TIAL1: variants seen among roughly 807,000 people sequenced by gnomAD.
TIAL1 encodes nucleolysin TIAR.
Under a neutral mutation model 59.7 loss-of-function variants are expected in TIAL1, and 7 were observed. The observed-to-expected ratio is 0.12, with a 90% CI of 0.07 to 0.22. The LOEUF (loss-of-function observed/expected upper bound fraction) is 0.22. Ranked by LOEUF, TIAL1 falls within the 10% of genes least tolerant of loss-of-function variation. The pLI, the probability that TIAL1 is intolerant of heterozygous loss-of-function variation, is 1.00. For missense variants in TIAL1, 225 were observed against 462.5 expected (o/e 0.49, Z 4.71); for synonymous variants, 149 against 146.3 (o/e 1.02, Z -0.13).
chr10:119,583,070 G>A (rs934352052), intron 2 of TIAL1, among the ~76,000 whole-genome samples: 10 of 151,988 alleles, frequency 6.6e-5, no homozygotes, highest in Non-Finnish European at 1.3e-4. Flanking sequence ...CTGCTACAAA[G>A]ACTGAATTTT....
rs192154139 is a variant in TIAL1, at chr10:119,596,887, G to A, written c.-422C>T. 93 of 190,938 alleles carry A rather than the reference G, an allele frequency of 4.9e-4. No individual in the cohort carries two copies. The highest frequency in any genetic ancestry group is 2.1e-3 in the African/African-American group (88 of 42,472). The allele number at this position is 190,938 out of a possible 1,614,324, so 11.8% of individuals were successfully genotyped here. A position where few individuals can be genotyped will look rare whatever the true frequency, so the allele number is the denominator to read the frequency against. ...AGCCCAGCCAGCTCCGGGAGAGATC[G>A]GGCAAAAAGAGAAACGTCGTGAAGC... On this transcript the variant is annotated 5_prime_UTR_variant, in exon 1 of 12. Coordinates refer to ENST00000436547, the MANE Select transcript of TIAL1 (RefSeq NM_003252.4).
chr10:119,584,234 T>C (rs917170679), intron 2 of TIAL1, among the ~76,000 whole-genome samples: 8 of 152,190 alleles, frequency 5.3e-5, no homozygotes, highest in African/African-American at 1.9e-4. Flanking sequence ...CACATCACAC[T>C]GCATATCATC....
chr10:119,588,120 A>C (rs781734313), intron 2 of TIAL1, 32 bp downstream of exon 2: 4 of 1,325,086 alleles, frequency 3.0e-6, no homozygotes, highest in South Asian at 1.6e-5. Flanking sequence ...CATCATGCTA[A>C]TTGTCAGCAC....
At chr10:119,593,492 A>G in intron 1 of TIAL1, 2 of 985,830 alleles carry the variant, frequency 2.0e-6, no homozygotes, top group Non-Finnish European at 2.4e-6. Flanking sequence ...AGATAGAACC[A>G]TATGTCTTAG....
intron 1 of TIAL1, among the ~76,000 whole-genome samples, chr10:119,590,790 A>G (rs570553161): frequency 6.8e-6 from 1 of 146,902 alleles, no homozygotes; most frequent in African/African-American, 2.7e-5. Context: ...GAAAGAAAGA[A>G]AGAAAGAAAG....
intron 10 of TIAL1, 46 bp from the exon 11 acceptor site, chr10:119,576,796 C>T (rs369951732): frequency 1.1e-5 from 17 of 1,601,640 alleles, no homozygotes; most frequent in Admixed American, 8.7e-5. Context: ...TAAGAAACAC[C>T]GTATATGAAG....
chr10:119,586,962 CT>C (rs1467700318), intron 2 of TIAL1, among the ~76,000 whole-genome samples: 1 of 152,164 alleles, frequency 6.6e-6, no homozygotes, highest in Non-Finnish European at 1.5e-5. Context: ...ATTTGGCTGT[CT>C]CTCCATTATA....
intron 1 of TIAL1, among the ~76,000 whole-genome samples, chr10:119,594,032 T>C (rs189349338): frequency 1.4e-4 from 20 of 148,054 alleles, no homozygotes; most frequent in Admixed American, 1.3e-3. Flanking sequence ...CTAAGTGCTG[T>C]GGGGGTAAGA....
In TIAL1 at chr10:119,596,805, A is replaced by C; in HGVS notation, c.-340T>G. The C allele has an allele frequency of 2.8e-6, 1 of 353,808 alleles. No individual in the cohort carries two copies. 21.9% of individuals were successfully genotyped at this position (353,808 alleles called of 1,614,324 possible). On this transcript the variant is annotated 5_prime_UTR_variant, in exon 1 of 12. Coordinates refer to ENST00000436547, the MANE Select transcript of TIAL1 (RefSeq NM_003252.4). Reference sequence around the variant, plus strand: ...GAGAGAAAAAAGGGCCGCCGAGGAAACCCTGGGACCCGCTCACGACGGATC... The same window carrying C: ...GAGAGAAAAAAGGGCCGCCGAGGAACCCCTGGGACCCGCTCACGACGGATC...
chr10:119,575,630 T>TTAC lies in TIAL1; in HGVS notation c.*34_*35insGTA. ...CAGAGTGTCACAGGAAATCGAAGCC[T>TTAC]ATCATGAATTACAATTTTTTTTTAG... On this transcript the variant is annotated 3_prime_UTR_variant, in exon 12 of 12. Transcript: ENST00000436547. 1 of 1,612,368 alleles carries TTAC rather than the reference T, an allele frequency of 6.2e-7. No individual in the cohort carries two copies. The highest frequency in any genetic ancestry group is 2.2e-5 in the East Asian group (1 of 44,798).
In TIAL1 at chr10:119,575,822, A is replaced by C. The variant is rs772561279; in HGVS notation, c.1002-31T>G. 4 of 1,518,660 alleles carry C rather than the reference A, an allele frequency of 2.6e-6. No individual in the cohort carries two copies. The East Asian group carries it at 9.5e-5, about 36-fold the overall frequency. 94.1% of individuals were successfully genotyped at this position (1,518,660 alleles called of 1,614,324 possible). A position where few individuals can be genotyped will look rare whatever the true frequency, so the allele number is the denominator to read the frequency against. ...AAGAAAAAGAAAAAATCTTCAGCAA[A>C]CACAAGAAAAAAAAAATCACATATG... On this transcript the variant is annotated intron_variant, in intron 11 of 11. Transcript: ENST00000436547.
In TIAL1 at chr10:119,596,807, C is replaced by T. The variant is rs950677849; in HGVS notation, c.-342G>A. The T allele has an allele frequency of 5.2e-5, 19 of 366,056 alleles. No individual in the cohort carries two copies. The highest frequency in any genetic ancestry group is 4.1e-4 in the African/African-American group (19 of 46,738). The allele number at this position is 366,056 out of a possible 1,614,324, so 22.7% of individuals were successfully genotyped here. On this transcript the variant is annotated 5_prime_UTR_variant, in exon 1 of 12. Transcript: ENST00000436547. ...GAGAAAAAAGGGCCGCCGAGGAAACCCTGGGACCCGCTCACGACGGATCAC... is the reference window on the plus strand; with the variant it reads ...GAGAAAAAAGGGCCGCCGAGGAAACTCTGGGACCCGCTCACGACGGATCAC...
At position 119,574,803 on chromosome 10, in the gene TIAL1, C is replaced by T. The variant is rs1186122378; in HGVS notation, c.*862G>A. The T allele has an allele frequency of 6.6e-6, 1 of 152,588 alleles. No homozygotes were observed. The highest frequency in any genetic ancestry group is 6.5e-5 in the Admixed American group (1 of 15,274). The allele number at this position is 152,588 out of a possible 1,614,324, so 9.5% of individuals were successfully genotyped here. A position where few individuals can be genotyped will look rare whatever the true frequency, so the allele number is the denominator to read the frequency against. On this transcript the variant is annotated 3_prime_UTR_variant, in exon 12 of 12. Transcript: ENST00000436547. ...ATGCAGCGGAGTGTGTTAAGTGTTA[C>T]TTCAAATAATTACATTGCTGCTACT... is the stretch of plus-strand genomic sequence containing the variant.
At chr10:119,578,180 G>A (rs893541457) in intron 7 of TIAL1, among the ~76,000 whole-genome samples, 2 of 128,176 alleles carry the variant, frequency 1.6e-5, no homozygotes, top group African/African-American at 3.1e-5. Flanking sequence ...AACTGAGATC[G>A]CACCACTGTA....
At chr10:119,590,063 T>TA (rs1845772754) in intron 1 of TIAL1, among the ~76,000 whole-genome samples, 1 of 152,210 alleles carries the variant, frequency 6.6e-6, no homozygotes, top group Non-Finnish European at 1.5e-5. Flanking sequence ...GTAAAAAACT[T>TA]AAAAGATCCA....
intron 5 of TIAL1, chr10:119,580,632 A>G: frequency 1.0e-6 from 1 of 994,148 alleles, no homozygotes; most frequent in South Asian, 4.5e-5. Flanking sequence ...GAAAACAACA[A>G]ATTTACACAG....
At chr10:119,580,178 G>GA in intron 5 of TIAL1, 168 bp from the exon 6 acceptor site, 1 of 518,410 alleles carries the variant, frequency 1.9e-6, no homozygotes, top group Non-Finnish European at 3.2e-6. Flanking sequence ...TTACCTGTTA[G>GA]AAAAAAGCAG....
At chr10:119,591,887 C>G (rs544493254) in intron 1 of TIAL1, 1 of 152,260 alleles carries the variant, frequency 6.6e-6, no homozygotes, top group Admixed American at 6.5e-5. Flanking sequence ...CTGTACTATT[C>G]TATTTTAAGT....
intron 1 of TIAL1, among the ~76,000 whole-genome samples, chr10:119,588,590 C>T (rs1211861701): frequency 2.6e-5 from 4 of 152,256 alleles, no homozygotes; most frequent in Middle Eastern, 3.4e-3. Flanking sequence ...GTGATCTGTC[C>T]GCCTTGGCCT....
Sources: gnomAD v4.1 joint callset for allele counts (sites outside exome capture counted in the v4.1 genomes callset) on GRCh38, gnomAD v4.1.1 for gene constraint, MANE v1.5 for transcripts, NCBI Gene and HGNC (gene_info 2026-07-23, HGNC 2026-07-21) for gene names.